Variants in HRH1 observed in about 807,000 individuals in gnomAD.
The protein encoded by HRH1 is histamine receptor H1, also known as histamine H1 receptor.
Under a neutral mutation model 10.3 loss-of-function variants are expected in HRH1, and 6 were observed. The observed-to-expected ratio is 0.58, with a 90% CI of 0.32 to 1.15. The LOEUF is 1.15. Among genes scored for constraint, HRH1 ranks in the 50% most tolerant of loss-of-function variants. The pLI is 0.05. For missense variants in HRH1, 514 were observed against 615.3 expected, an observed-to-expected ratio of 0.84 and a Z score of 1.74; for synonymous variants, 242 against 236.7, an observed-to-expected ratio of 1.02 and a Z score of -0.21.
intron 1 of HRH1, among the ~76,000 whole-genome samples, chr3:11,140,282 A>G (rs1327307808): frequency 6.6e-6 from 1 of 152,184 alleles, no homozygotes; most frequent in African/African-American, 2.4e-5. Flanking sequence ...CCCTCCCCCA[A>G]GGAGAACTAA....
chr3:11,166,172 A>G (rs1449151959), intron 1 of HRH1, among the ~76,000 whole-genome samples: 20 of 152,130 alleles, frequency 1.3e-4, no homozygotes, highest in Non-Finnish European at 2.9e-5. Flanking sequence ...CCATGGCCCC[A>G]TTGAGTTGTA....
chr3:11,255,167 A>G (rs916436933), intron 1 of HRH1, among the ~76,000 whole-genome samples: 3 of 152,228 alleles, frequency 2.0e-5, no homozygotes, highest in Non-Finnish European at 2.9e-5. Flanking sequence ...GGAATTTATC[A>G]TCTCTGACAG....
At chr3:11,200,090 G>GCAGAGAGAAAGAAA (rs1937845273) in intron 1 of HRH1, among the ~76,000 whole-genome samples, 1 of 152,180 alleles carries the variant, frequency 6.6e-6, no homozygotes, top group Non-Finnish European at 1.5e-5. Flanking sequence ...AAAGATCCTT[G>GCAGAGAGAAAGAAA]GATATTGTTG....
intron 1 of HRH1, among the ~76,000 whole-genome samples, chr3:11,247,298 C>T (rs535716251): frequency 1.4e-3 from 209 of 152,230 alleles, no homozygotes; most frequent in African/African-American, 4.6e-3. Context: ...AAAAACAGCA[C>T]GTAGGCAGAA....
At chr3:11,244,603 C>T (rs539320479) in intron 1 of HRH1, among the ~76,000 whole-genome samples, 61 of 152,356 alleles carry the variant, frequency 4.0e-4, no homozygotes, top group African/African-American at 1.4e-3. Flanking sequence ...CTAAAACCAA[C>T]GTTGCTGAGC....
At chr3:11,142,915 G>GAA (rs796318937) in intron 1 of HRH1, among the ~76,000 whole-genome samples, 2 of 143,800 alleles carry the variant, frequency 1.4e-5, no homozygotes, top group Admixed American at 1.4e-4. Context: ...CTCTGTTTTG[G>GAA]AAAAAAAAAA....
intron 1 of HRH1, among the ~76,000 whole-genome samples, chr3:11,184,244 T>C (rs993164108): frequency 2.0e-5 from 3 of 152,214 alleles, no homozygotes; most frequent in African/African-American, 7.2e-5. Flanking sequence ...GTCCTTTACA[T>C]ATATTAACGC....
intron 1 of HRH1, among the ~76,000 whole-genome samples, chr3:11,176,654 G>T (rs1937254322): frequency 6.6e-6 from 1 of 152,222 alleles, no homozygotes; most frequent in African/African-American, 2.4e-5. Context: ...AGCCAATCAG[G>T]ATTAGGGAAG....
intron 1 of HRH1, among the ~76,000 whole-genome samples, chr3:11,228,651 T>C (rs1938958754): frequency 6.6e-6 from 1 of 152,110 alleles, no homozygotes; most frequent in South Asian, 2.1e-4. Context: ...GCACAGTGGC[T>C]CATGCCTGTA....
rs1401516638 is a variant in HRH1 at position 11,261,555 on chromosome 3, G to C, written c.*1054G>C. The C allele has an allele frequency of 6.0e-6, 1 of 167,026 alleles. No homozygotes were observed. Among genetic ancestry groups the C allele is most frequent in the Non-Finnish European group, 1.5e-5 (1 of 68,124 alleles). The allele number at this position is 167,026 out of a possible 1,614,324, so 10.3% of individuals were successfully genotyped here. A position where few individuals can be genotyped will look rare whatever the true frequency, so the allele number is the denominator to read the frequency against. On this transcript the variant is annotated 3_prime_UTR_variant, in exon 2 of 2. Transcript: ENST00000431010. ...CCGAAAGGCAAAAATGTGCCCTTTT[G>C]GCCGGGCATGGTAGCTCAAGCCTAT...
chr3:11,189,767 A>T (rs1481262070), intron 1 of HRH1, among the ~76,000 whole-genome samples: 1 of 142,606 alleles, frequency 7.0e-6, no homozygotes, highest in Admixed American at 7.0e-5. Context: ...CTACTAAAAA[A>T]ATAAATAAAT....
chr3:11,244,643 T>C (rs1939433089), intron 1 of HRH1, among the ~76,000 whole-genome samples: 1 of 152,278 alleles, frequency 6.6e-6, no homozygotes, highest in South Asian at 2.1e-4. Context: ...GCATTGCCCT[T>C]GAGGAAGTTT....
chr3:11,246,007 TACAC>T (rs1939472533), intron 1 of HRH1, among the ~76,000 whole-genome samples: 2 of 83,496 alleles, frequency 2.4e-5, no homozygotes, highest in Admixed American at 2.1e-4. Context: ...CACTTACACA[TACAC>T]ACATACACTC....
At chr3:11,148,585 C>T (rs1313568033) in intron 1 of HRH1, among the ~76,000 whole-genome samples, 1 of 152,046 alleles carries the variant, frequency 6.6e-6, no homozygotes, top group African/African-American at 2.4e-5. Flanking sequence ...AAAATGGCTA[C>T]CGAAGCTCCA....
intron 1 of HRH1, among the ~76,000 whole-genome samples, chr3:11,194,458 A>G (rs956971811): frequency 6.6e-6 from 1 of 152,218 alleles, no homozygotes; most frequent in South Asian, 2.1e-4. Context: ...CCCACGCTTC[A>G]TCTCAATGTT....
intron 1 of HRH1, among the ~76,000 whole-genome samples, chr3:11,253,988 C>A: frequency 6.6e-6 from 1 of 152,130 alleles, no homozygotes; most frequent in Admixed American, 6.5e-5. Context: ...TCAGTCCAAA[C>A]AAAACAGCAG....
chr3:11,251,401 G>A (rs959875740), intron 1 of HRH1, among the ~76,000 whole-genome samples: 2 of 152,192 alleles, frequency 1.3e-5, no homozygotes, highest in African/African-American at 2.4e-5. Context: ...GGCATACGTG[G>A]AGTCAGTATA....
At position 11,163,659 on chromosome 3, in the gene HRH1, TGCTCCTA is replaced by T. The variant is rs372582877; in HGVS notation, c.-36+9107_-36+9113del. Among the ~76,000 whole-genome samples, 150 of 152,322 alleles carry T rather than the reference TGCTCCTA, an allele frequency of 9.8e-4. 1 individual carries two copies. The highest frequency in any genetic ancestry group is 3.4e-3 in the African/African-American group (142 of 41,560). On this transcript the variant is annotated intron_variant, in intron 1 of 1. Transcript: ENST00000431010. ...TATGTCAAATGTGCTAGTCCAGTGC[TGCTCCTA>T]GTAGCATCCAATAAACACTAGTTAT...
At chr3:11,217,332 C>A (rs190047891) in intron 1 of HRH1, among the ~76,000 whole-genome samples, 286 of 151,982 alleles carry the variant, frequency 1.9e-3, no homozygotes, top group African/African-American at 6.4e-3. Flanking sequence ...GAGTTCAAGA[C>A]CAGCCTGGCC....
Sources: gnomAD v4.1 joint callset for allele counts (sites outside exome capture counted in the v4.1 genomes callset) on GRCh38, gnomAD v4.1.1 for gene constraint, MANE v1.5 for transcripts, NCBI Gene and HGNC (gene_info 2026-07-23, HGNC 2026-07-21) for gene names.